The following PLEKHA2 variants were observed in gnomAD, a reference collection of about 807,000 sequenced individuals.
The protein encoded by PLEKHA2 is pleckstrin homology domain containing A2, also known as pleckstrin homology domain-containing family A member 2.
PLEKHA2 carries 28 observed loss-of-function variants against 53.2 expected under a neutral mutation model. The observed-to-expected ratio is 0.53, with a 90% confidence interval of 0.39 to 0.72. The LOEUF is 0.72. Among genes scored for constraint, PLEKHA2 ranks in the 30% least tolerant of loss-of-function variants. The pLI is 0.00. For missense variants in PLEKHA2, 426 were observed against 537.9 expected, an observed-to-expected ratio of 0.79 and a Z score of 2.06; for synonymous variants, 193 against 196.4, an observed-to-expected ratio of 0.98 and a Z score of 0.14.
intron 10 of PLEKHA2, among the ~76,000 whole-genome samples, chr8:38,958,571 C>T (rs897827816): frequency 2.0e-5 from 3 of 152,174 alleles, no homozygotes; most frequent in African/African-American, 4.8e-5. Context: ...TTAGTCATCT[C>T]GGGGCTATAT....
chr8:38,905,328 T>C (rs1158603811), intron 1 of PLEKHA2, among the ~76,000 whole-genome samples: 1 of 151,952 alleles, frequency 6.6e-6, no homozygotes, highest in Non-Finnish European at 1.5e-5. Context: ...TGTAGTAGTG[T>C]GCGCCTGTAG....
chr8:38,933,142 T>A (rs1335403150), intron 2 of PLEKHA2, among the ~76,000 whole-genome samples: 1 of 152,084 alleles, frequency 6.6e-6, no homozygotes, highest in Non-Finnish European at 1.5e-5. Context: ...AGGCTAGAGC[T>A]CCGGAGGCTG....
chr8:38,905,322 G>A (rs1833853855), intron 1 of PLEKHA2, among the ~76,000 whole-genome samples: 1 of 152,016 alleles, frequency 6.6e-6, no homozygotes, highest in East Asian at 1.9e-4. Flanking sequence ...GCTAGCTGTA[G>A]TAGTGTGCGC....
intron 1 of PLEKHA2, among the ~76,000 whole-genome samples, chr8:38,915,059 A>T (rs1834012272): frequency 1.3e-5 from 2 of 151,664 alleles, no homozygotes; most frequent in Admixed American, 1.3e-4. Flanking sequence ...CGATTCTCCT[A>T]CCTCAGCCTC....
At chr8:38,909,425 A>G (rs966932837) in intron 1 of PLEKHA2, among the ~76,000 whole-genome samples, 2 of 150,226 alleles carry the variant, frequency 1.3e-5, no homozygotes, top group African/African-American at 4.9e-5. Context: ...TCAAGTAGAC[A>G]ACATCTGTTT....
At chr8:38,908,676 A>G (rs1833913798) in intron 1 of PLEKHA2, among the ~76,000 whole-genome samples, 1 of 152,246 alleles carries the variant, frequency 6.6e-6, no homozygotes, top group African/African-American at 2.4e-5. Context: ...CAGACCGTAT[A>G]TAGGAATATA....
At chr8:38,935,289 G>A (rs766995863) in intron 2 of PLEKHA2, among the ~76,000 whole-genome samples, 2 of 151,984 alleles carry the variant, frequency 1.3e-5, no homozygotes, top group South Asian at 2.1e-4. Flanking sequence ...GATTACAGAC[G>A]TGAGCCACTG....
At chr8:38,959,578 G>A (rs1007657001) in intron 10 of PLEKHA2, among the ~76,000 whole-genome samples, 1 of 152,204 alleles carries the variant, frequency 6.6e-6, no homozygotes, top group Non-Finnish European at 1.5e-5. Flanking sequence ...TGCTGTCAAG[G>A]ATTGCCTGGC....
intron 2 of PLEKHA2, among the ~76,000 whole-genome samples, chr8:38,932,027 G>C (rs1351871466): frequency 6.6e-6 from 1 of 152,090 alleles, no homozygotes; most frequent in East Asian, 1.9e-4. Flanking sequence ...GCCTCGCCCT[G>C]TTACTTAGGC....
chr8:38,936,442 C>G (rs1157884937), intron 3 of PLEKHA2, among the ~76,000 whole-genome samples: 1 of 152,148 alleles, frequency 6.6e-6, no homozygotes, highest in East Asian at 1.9e-4. Flanking sequence ...AGGATTCTCT[C>G]AAAGGGTACA....
intron 10 of PLEKHA2, among the ~76,000 whole-genome samples, chr8:38,962,269 G>A (rs957120890): frequency 3.9e-5 from 6 of 152,110 alleles, no homozygotes; most frequent in Admixed American, 2.6e-4. Flanking sequence ...TGGAAGGATT[G>A]TTGGAGCCCA....
chr8:38,935,961 G>T, intron 2 of PLEKHA2, 33 bp from the exon 3 acceptor site: 1 of 1,607,354 alleles, frequency 6.2e-7, no homozygotes, highest in Non-Finnish European at 8.5e-7. Context: ...TGTTTCCACA[G>T]CCTTCTTAAA....
At chr8:38,931,880 C>T (rs942830839) in intron 2 of PLEKHA2, among the ~76,000 whole-genome samples, 17 of 152,122 alleles carry the variant, frequency 1.1e-4, no homozygotes, top group African/African-American at 3.9e-4. Flanking sequence ...GTTGAGGGAT[C>T]GCGTGGGAGC....
chr8:38,926,303 A>C (rs1360193080), intron 2 of PLEKHA2, among the ~76,000 whole-genome samples: 1 of 152,298 alleles, frequency 6.6e-6, no homozygotes, highest in South Asian at 2.1e-4. Flanking sequence ...AAAAATCCCA[A>C]AAGAAGATTA....
At chr8:38,946,066 T>C in intron 4 of PLEKHA2, 58 bp from the exon 5 acceptor site, 1 of 1,363,024 alleles carries the variant, frequency 7.3e-7, no homozygotes, top group Non-Finnish European at 1.0e-6. Flanking sequence ...GGAGACTTGT[T>C]GTATTGCTTG....
chr8:38,948,034 C>T (rs547171799), intron 5 of PLEKHA2, among the ~76,000 whole-genome samples: 1 of 146,694 alleles, frequency 6.8e-6, no homozygotes, highest in African/African-American at 2.5e-5. Flanking sequence ...TGCAGTGAGC[C>T]GAGATCGCGC....
chr8:38,954,734 T>C (rs1834906758), intron 9 of PLEKHA2, among the ~76,000 whole-genome samples: 1 of 152,084 alleles, frequency 6.6e-6, no homozygotes, highest in African/African-American at 2.4e-5. Context: ...TAAAAAAATA[T>C]ATATCTTTTT....
chr8:38,905,505 T>A (rs949992010), intron 1 of PLEKHA2, among the ~76,000 whole-genome samples: 4 of 151,464 alleles, frequency 2.6e-5, no homozygotes, highest in Non-Finnish European at 4.4e-5. Flanking sequence ...TATTGTCACC[T>A]GCACATCCTC....
chr8:38,962,766 A>G (rs1460678493), intron 10 of PLEKHA2, among the ~76,000 whole-genome samples: 1 of 152,276 alleles, frequency 6.6e-6, no homozygotes, highest in African/African-American at 2.4e-5. Context: ...CCCAGTTGTT[A>G]GAACTAGGGT....
Sources: gnomAD v4.1 joint callset for allele counts (sites outside exome capture counted in the v4.1 genomes callset) on GRCh38, gnomAD v4.1.1 for gene constraint, MANE v1.5 for transcripts, NCBI Gene and HGNC (gene_info 2026-07-23, HGNC 2026-07-21) for gene names.